The following NRG2 variants were observed in gnomAD, a reference collection of about 807,000 sequenced individuals.
NRG2 encodes pro-neuregulin-2, membrane-bound isoform.
NRG2 carries 27 observed loss-of-function variants against 73.9 expected under a neutral mutation model. The observed-to-expected ratio is 0.37, with a 90% confidence interval of 0.27 to 0.50. NRG2 has a LOEUF of 0.50. Ranked by LOEUF, NRG2 falls within the 20% of genes least tolerant of loss-of-function variation. NRG2 has a pLI of 0.96. For missense variants in NRG2, 1,126 were observed against 1,210.1 expected (o/e 0.93, Z 1.03); for synonymous variants, 532 against 541.0 (o/e 0.98, Z 0.23).
At chr5:139,996,222 A>G (rs1757999089) in intron 1 of NRG2, among the ~76,000 whole-genome samples, 1 of 152,232 alleles carries the variant, frequency 6.6e-6, no homozygotes, top group Non-Finnish European at 1.5e-5. Context: ...CATACTGTAC[A>G]TAGTACTTTG....
At chr5:139,983,437 C>T (rs1400335221) in intron 1 of NRG2, among the ~76,000 whole-genome samples, 1 of 152,238 alleles carries the variant, frequency 6.6e-6, no homozygotes, top group African/African-American at 2.4e-5. Context: ...ATCTGCTCCT[C>T]TTCCAGGGCT....
intron 1 of NRG2, among the ~76,000 whole-genome samples, chr5:139,938,952 A>G (rs1177443985): frequency 7.1e-6 from 1 of 140,564 alleles, no homozygotes; most frequent in South Asian, 2.4e-4. Context: ...AAAGAAAGAA[A>G]GAAAGAAAAA....
chr5:140,021,027 C>T (rs1760181202), intron 1 of NRG2, among the ~76,000 whole-genome samples: 1 of 152,204 alleles, frequency 6.6e-6, no homozygotes. Context: ...ATGCAAAAGG[C>T]ACTCTCAGAG....
At chr5:139,989,261 C>T (rs933253081) in intron 1 of NRG2, among the ~76,000 whole-genome samples, 2 of 152,020 alleles carry the variant, frequency 1.3e-5, no homozygotes, top group Non-Finnish European at 2.9e-5. Context: ...AACAATGCCT[C>T]ACCCTCCTTC....
At chr5:139,939,204 TTTCCTTCCTTCC>T (rs199952110) in intron 1 of NRG2, among the ~76,000 whole-genome samples, 1,669 of 133,980 alleles carry the variant, frequency 0.012, 31 homozygotes, top group African/African-American at 0.041. Flanking sequence ...CAAAGATTTC[TTTCCTTCCTTCC>T]TTCCTTCCTT....
intron 1 of NRG2, among the ~76,000 whole-genome samples, chr5:139,896,795 A>AC (rs1554105247): frequency 6.6e-6 from 1 of 150,752 alleles, no homozygotes; most frequent in Non-Finnish European, 1.5e-5. Flanking sequence ...ACTGCTCCCC[A>AC]CCCCCCAGTA....
chr5:139,848,745 C>T, intron 9 of NRG2, 48 bp from the exon 10 acceptor site: 1 of 63,996 alleles, frequency 1.6e-5, no homozygotes, highest in Non-Finnish European at 1.9e-5. Flanking sequence ...CGGGCCGGCG[C>T]GGGGGAGGGG....
At position 139,848,067 on chromosome 5, in the gene NRG2, C is replaced by A; in HGVS notation, c.2403G>T (p.Ala801=). ...GCGAGTCCGAGCGCAGCGCGTCGTG[C>A]GCCCCACGCAGGCCCAGGAAAGGTG... ...ESTPFLGLRG[A]HDALRSDSPP... Residue 801 remains alanine (A), a synonymous_variant, in exon 10 of 10, where the codon GCG becomes GCT. Transcript: ENST00000361474. 1.3e-6 allele frequency: 2 copies of A among 1,499,962 alleles called. No individual in the cohort carries two copies. The allele number at this position is 1,499,962 out of a possible 1,614,324, so 92.9% of individuals were successfully genotyped here.
At chr5:139,882,247 A>T (rs991007417) in intron 2 of NRG2, among the ~76,000 whole-genome samples, 8 of 152,098 alleles carry the variant, frequency 5.3e-5, no homozygotes, top group African/African-American at 1.9e-4. Flanking sequence ...GCAAGCAGAT[A>T]GGCTGGGCCA....
At position 139,887,477 on chromosome 5, in the gene NRG2, C is replaced by G. The variant is rs1267650572; in HGVS notation, c.735G>C (p.Gln245His). The G allele has an allele frequency of 1.9e-6, 3 of 1,614,180 alleles. No homozygotes were observed. Among genetic ancestry groups the G allele is most frequent in the Admixed American group, 3.3e-5 (2 of 60,024 alleles). ...ATTGCTTCTCACCCACCTGTCCCGT[C>G]TGGCTCTTCATCTTCTTCAACTTGG... is the stretch of plus-strand genomic sequence containing the variant. ...TRPKLKKMKS[Q>H]TGQVGEKQSL... is the part of the protein sequence containing the mutation. The change falls in exon 2 of 10, where the codon CAG (glutamine) becomes CAC (histidine). Residue 245 changes from glutamine (Q) to histidine (H), a missense_variant. Gln to His is a conservative substitution (Grantham distance 24). Transcript: ENST00000361474. The surrounding 1 kb of genome is among the most constrained non-coding windows in gnomAD (Gnocchi z 4.5).
chr5:139,895,270 T>G (rs1343823218), intron 1 of NRG2, among the ~76,000 whole-genome samples: 1 of 152,126 alleles, frequency 6.6e-6, no homozygotes, highest in Non-Finnish European at 1.5e-5. Flanking sequence ...GAGAGATACC[T>G]CATCCCCAGA....
intron 1 of NRG2, among the ~76,000 whole-genome samples, chr5:139,949,688 G>C (rs934585384): frequency 1.3e-5 from 2 of 152,166 alleles, no homozygotes; most frequent in Admixed American, 1.3e-4. Context: ...ACTGCTATTT[G>C]GTGCAGAGAA....
At chr5:139,935,970 A>G (rs1267981016) in intron 1 of NRG2, among the ~76,000 whole-genome samples, 1 of 151,380 alleles carries the variant, frequency 6.6e-6, no homozygotes, top group African/African-American at 2.4e-5. Context: ...AAAAAAAAAA[A>G]AAAAAGAAAG....
intron 1 of NRG2, among the ~76,000 whole-genome samples, chr5:139,974,152 A>G (rs1013637192): frequency 2.6e-5 from 4 of 152,082 alleles, no homozygotes; most frequent in African/African-American, 9.7e-5. Flanking sequence ...TGTTTCATTC[A>G]GGTAAAATAA....
chr5:139,938,168 C>G (rs1166862614), intron 1 of NRG2, among the ~76,000 whole-genome samples: 1 of 152,176 alleles, frequency 6.6e-6, no homozygotes, highest in Non-Finnish European at 1.5e-5. Context: ...GATGAGAAGA[C>G]TCAATACTAA....
chr5:140,042,907 T>C lies in NRG2; in HGVS notation c.163A>G (p.Ser55Gly). ...SSSRSSSNNS[S>G]ISRPAAPPEP... ...GGGGGCGCAGCGGGACGAGAGATGC[T>C]GCTGTTGTTGCTGCTGCTCCTGCTG... The change falls in exon 1 of 10, where the codon AGC becomes GGC. Residue 55 changes from serine to glycine, a missense_variant. Physicochemically the swap from Ser to Gly is moderately conservative, Grantham distance 56. Coordinates refer to ENST00000361474, the MANE Select transcript of NRG2 (RefSeq NM_004883.3). 6.5e-7 allele frequency: 1 copy of C among 1,537,162 alleles called. No homozygotes were observed. Among genetic ancestry groups the C allele is most frequent in the South Asian group, 1.2e-5 (1 of 83,818 alleles).
chr5:139,930,286 A>G (rs1435174457), intron 1 of NRG2, among the ~76,000 whole-genome samples: 1 of 152,240 alleles, frequency 6.6e-6, no homozygotes, highest in African/African-American at 2.4e-5. Flanking sequence ...CTTCTCTTCC[A>G]GTCTGCAGAT....
chr5:139,989,510 T>C (rs750011158), intron 1 of NRG2, among the ~76,000 whole-genome samples: 23 of 151,970 alleles, frequency 1.5e-4, no homozygotes, highest in Non-Finnish European at 2.5e-4. Flanking sequence ...TTGCTTTCCT[T>C]TTTATATAGT....
At chr5:139,981,346 C>T (rs1430675988) in intron 1 of NRG2, among the ~76,000 whole-genome samples, 2 of 152,178 alleles carry the variant, frequency 1.3e-5, no homozygotes, top group Non-Finnish European at 2.9e-5. Context: ...AAAATGTAGC[C>T]CACTCACCCC....
Sources: gnomAD v4.1 joint callset for allele counts (sites outside exome capture counted in the v4.1 genomes callset) on GRCh38, gnomAD v4.1.1 for gene constraint, Gnocchi (gnomAD v3.1) non-coding constraint, MANE v1.5 for transcripts, NCBI Gene and HGNC (gene_info 2026-07-23, HGNC 2026-07-21) for gene names.